ULK4: variants seen among roughly 807,000 people sequenced by gnomAD.
ULK4 encodes inactive serine/threonine-protein kinase ULK4.
A neutral mutation model predicts 160.6 loss-of-function variants in ULK4; 133 were observed. That is an observed-to-expected ratio of 0.83 (90% CI 0.72 to 0.96). The LOEUF (loss-of-function observed/expected upper bound fraction) is 0.96. ULK4 is among the 40% of genes least tolerant of loss of function. The pLI, the probability that ULK4 is intolerant of heterozygous loss-of-function variation, is 0.00. For synonymous variants in ULK4, 534 were observed against 539.8 expected, an observed-to-expected ratio of 0.99 and a Z score of 0.15; for missense variants, 1,580 against 1,499.5, an observed-to-expected ratio of 1.05 and a Z score of -0.89.
chr3:41,596,717 C>T (rs1024366443), intron 31 of ULK4, among the ~76,000 whole-genome samples: 1 of 152,022 alleles, frequency 6.6e-6, no homozygotes, highest in Admixed American at 6.6e-5. Context: ...GGAATGTGTG[C>T]ATGAGGTGTG....
intron 31 of ULK4, among the ~76,000 whole-genome samples, chr3:41,589,161 G>C (rs1172450824): frequency 6.6e-6 from 1 of 151,772 alleles, no homozygotes; most frequent in South Asian, 2.1e-4. Context: ...ATCTCTAAAA[G>C]AGAAAAAAAT....
At chr3:41,950,037 G>A (rs370439724) in intron 2 of ULK4, among the ~76,000 whole-genome samples, 30 of 151,854 alleles carry the variant, frequency 2.0e-4, no homozygotes, top group East Asian at 1.7e-3. Flanking sequence ...CACCTGGCAC[G>A]GTCTGATGAG....
intron 29 of ULK4, among the ~76,000 whole-genome samples, chr3:41,678,157 T>C (rs1282808687): frequency 6.8e-6 from 1 of 147,244 alleles, no homozygotes; most frequent in Non-Finnish European, 1.5e-5. Context: ...GCCGGTTTCT[T>C]AAAATAAATC....
At chr3:41,490,382 T>C (rs998372835) in intron 32 of ULK4, among the ~76,000 whole-genome samples, 1 of 152,204 alleles carries the variant, frequency 6.6e-6, no homozygotes. Context: ...TGTATGTTCA[T>C]AGCTGACTGT....
rs1413147863 is a variant in ULK4, at chr3:41,704,928, G to C, written c.2781+129C>G. On this transcript the variant is annotated intron_variant, in intron 27 of 36. Coordinates refer to ENST00000301831, the MANE Select transcript of ULK4 (RefSeq NM_017886.4). ...TTCCTATGTTCATCCTGCCAGGGTA[G>C]GGGGGTTCTGAATGGTTATTTCATG... 6.4e-6 allele frequency: 4 copies of C among 625,888 alleles called. No individual in the cohort carries two copies. In the South Asian group the frequency reaches 7.7e-5, roughly 12 times the overall value. 38.8% of individuals were successfully genotyped at this position (625,888 alleles called of 1,614,324 possible). A position where few individuals can be genotyped will look rare whatever the true frequency, so the allele number is the denominator to read the frequency against.
At position 41,766,947 on chromosome 3, in the gene ULK4, G is replaced by A. The variant is rs542899506; in HGVS notation, c.2194-12459C>T. The A allele has an allele frequency of 7.2e-5, 11 of 152,294 alleles. No individual in the cohort carries two copies. In the South Asian group the frequency reaches 1.0e-3, roughly 14 times the overall value. The allele number at this position is 152,294 out of a possible 1,614,324, so 9.4% of individuals were successfully genotyped here. On this transcript the variant is annotated intron_variant, in intron 21 of 36. Transcript: ENST00000301831. ...TAATGGTGTTTTGAAAACTGAAAGA[G>A]CTACTGGAAGTTTTTGTGTAGGTCC... is the stretch of plus-strand genomic sequence containing the variant.
At chr3:41,268,997 C>T (rs1473007344) in intron 35 of ULK4, among the ~76,000 whole-genome samples, 2 of 152,056 alleles carry the variant, frequency 1.3e-5, no homozygotes, top group Non-Finnish European at 2.9e-5. Context: ...GCCACGCTGA[C>T]CCAACCAACC....
At position 41,447,229 on chromosome 3, in the gene ULK4, G is replaced by A. The variant is rs548154935; in HGVS notation, c.3492+8268C>T. Among the ~76,000 whole-genome samples, 94 of 151,868 alleles carry A rather than the reference G, an allele frequency of 6.2e-4. 1 individual carries two copies. Among genetic ancestry groups the A allele is most frequent in the Middle Eastern group, 3.4e-3 (1 of 294 alleles). Reference sequence around the variant, plus strand: ...CTCTAACTCCCATCTCTCGCCTATCGGTCTGTCCCATTGCCCTAGTCTTGT... The same window carrying A: ...CTCTAACTCCCATCTCTCGCCTATCAGTCTGTCCCATTGCCCTAGTCTTGT... On this transcript the variant is annotated intron_variant, in intron 34 of 36. Transcript: ENST00000301831.
intron 32 of ULK4, among the ~76,000 whole-genome samples, chr3:41,485,499 CT>C (rs1360820862): frequency 6.6e-6 from 1 of 152,190 alleles, no homozygotes; most frequent in East Asian, 1.9e-4. Context: ...AATAAATCTG[CT>C]TTGCTAAAAT....
chr3:41,821,517 A>G (rs1012435898), intron 18 of ULK4, among the ~76,000 whole-genome samples: 7 of 152,202 alleles, frequency 4.6e-5, no homozygotes, highest in African/African-American at 1.2e-4. Context: ...CCCAATGGTT[A>G]TAACAGGACA....
intron 30 of ULK4, among the ~76,000 whole-genome samples, chr3:41,624,092 T>C (rs1391145461): frequency 6.6e-6 from 1 of 152,228 alleles, no homozygotes; most frequent in Non-Finnish European, 1.5e-5. Context: ...TCCTGGGCAA[T>C]TGAATGAAGG....
chr3:41,433,728 CT>C (rs10636463), intron 34 of ULK4, among the ~76,000 whole-genome samples: 1 of 151,204 alleles, frequency 6.6e-6, no homozygotes, highest in Non-Finnish European at 1.5e-5. Context: ...AAATCCCAAA[CT>C]TTTTTTTTGA....
intron 30 of ULK4, among the ~76,000 whole-genome samples, chr3:41,627,070 C>T (rs1203101743): frequency 6.6e-6 from 1 of 152,130 alleles, no homozygotes; most frequent in African/African-American, 2.4e-5. Context: ...AAATTTCACA[C>T]CATTATTAAC....
intron 20 of ULK4, 48 bp downstream of exon 20, chr3:41,800,084 C>A (rs764733439): frequency 7.0e-7 from 1 of 1,437,094 alleles, no homozygotes; most frequent in Non-Finnish European, 9.2e-7. Flanking sequence ...TTCAAACTTG[C>A]TGTTTAAAGA....
Position 41,258,972 on chromosome 3 carries a change from G to GTA in ULK4, c.3679-9400_3679-9399dup, listed in dbSNP as rs542656005. On this transcript the variant is annotated intron_variant, in intron 35 of 36. Transcript: ENST00000301831. ...TGAATATATATATATACATATATGT[G>GTA]TATATATATACAGATATACATATAT... is the stretch of plus-strand genomic sequence containing the variant. Among the ~76,000 whole-genome samples, 104 of 149,260 alleles carry GTA rather than the reference G, an allele frequency of 7.0e-4. 2 individuals carry two copies. In the East Asian group the frequency reaches 0.014, roughly 20 times the overall value.
At chr3:41,488,836 C>A (rs981653074) in intron 32 of ULK4, among the ~76,000 whole-genome samples, 1 of 152,142 alleles carries the variant, frequency 6.6e-6, no homozygotes, top group Non-Finnish European at 1.5e-5. Context: ...GCTGGCTTTG[C>A]TTGCCTAAAT....
At chr3:41,776,865 A>G (rs2039648669) in intron 21 of ULK4, among the ~76,000 whole-genome samples, 1 of 73,044 alleles carries the variant, frequency 1.4e-5, no homozygotes, top group Non-Finnish European at 2.6e-5. Context: ...TTCATCAAGG[A>G]TATTGGTCTA....
intron 32 of ULK4, among the ~76,000 whole-genome samples, chr3:41,500,273 A>T (rs1450643188): frequency 5.4e-5 from 7 of 129,156 alleles, no homozygotes; most frequent in Admixed American, 8.6e-5. Context: ...ATTAATTTTC[A>T]TCTTATCTTT....
chr3:41,454,556 GAAAGA>G (rs1329055735), intron 34 of ULK4, among the ~76,000 whole-genome samples: 3 of 139,560 alleles, frequency 2.1e-5, no homozygotes, highest in African/African-American at 8.1e-5. Context: ...AAAAAAAAAA[GAAAGA>G]AAAGAAAAGA....
Sources: gnomAD v4.1 joint callset for allele counts (sites outside exome capture counted in the v4.1 genomes callset) on GRCh38, gnomAD v4.1.1 for gene constraint, MANE v1.5 for transcripts, NCBI Gene and HGNC (gene_info 2026-07-23, HGNC 2026-07-21) for gene names.